BMAL2: variants seen among roughly 807,000 people sequenced by gnomAD.
BMAL2 encodes basic helix-loop-helix ARNT-like protein 2.
the BMAL2 span, among the ~76,000 whole-genome samples, chr12:27,351,473 C>T: frequency 1.8e-4 from 28 of 152,164 alleles, no homozygotes; most frequent in African/African-American, 6.8e-4. Flanking sequence ...AGATAGTACA[C>T]AATTTGCCCT....
chr12:27,370,767 G>C, the BMAL2 span, among the ~76,000 whole-genome samples: 2 of 152,056 alleles, frequency 1.3e-5, no homozygotes, highest in Non-Finnish European at 1.5e-5. Context: ...CGACACACCC[G>C]GCTAATTTTT....
chr12:27,409,281 T>C, the BMAL2 span, among the ~76,000 whole-genome samples: 8 of 152,088 alleles, frequency 5.3e-5, no homozygotes, highest in Admixed American at 2.6e-4. Flanking sequence ...GAGCCCACAT[T>C]GCCAAGTCAA....
chr12:27,371,147 C>T, the BMAL2 span, among the ~76,000 whole-genome samples: 1 of 152,108 alleles, frequency 6.6e-6, no homozygotes. Flanking sequence ...TTAAATGCTT[C>T]CTGGAAAAGT....
the BMAL2 span, among the ~76,000 whole-genome samples, chr12:27,341,975 C>T: frequency 1.3e-5 from 2 of 152,082 alleles, no homozygotes; most frequent in South Asian, 2.1e-4. Flanking sequence ...CTCACTCTGT[C>T]GCCCAGGCCA....
the BMAL2 span, among the ~76,000 whole-genome samples, chr12:27,373,239 C>A: frequency 6.6e-6 from 1 of 152,128 alleles, no homozygotes; most frequent in African/African-American, 2.4e-5. Context: ...AATAGGACTT[C>A]ATGATTGTTC....
chr12:27,388,103 G>T, the BMAL2 span, among the ~76,000 whole-genome samples: 1 of 148,266 alleles, frequency 6.7e-6, no homozygotes. Context: ...ACACATGCAC[G>T]CACACACACA....
At chr12:27,367,590 ATTTTTCTGT>A in the BMAL2 span, among the ~76,000 whole-genome samples, 63 of 151,798 alleles carry the variant, frequency 4.2e-4, no homozygotes, top group African/African-American at 1.4e-3. Context: ...CTTCCTTTCT[ATTTTTCTGT>A]GTTTTCTGTG....
the BMAL2 span, among the ~76,000 whole-genome samples, chr12:27,404,978 C>T: frequency 6.6e-6 from 1 of 152,128 alleles, no homozygotes; most frequent in African/African-American, 2.4e-5. Context: ...GAGGGTCCTA[C>T]ACCCACGGAG....
At chr12:27,418,032 G>T in the BMAL2 span, 8 of 1,077,004 alleles carry the variant, frequency 7.4e-6, no homozygotes, top group Non-Finnish European at 9.5e-6. Flanking sequence ...AATAAATAAA[G>T]AGTGTCCTTA....
the BMAL2 span, among the ~76,000 whole-genome samples, chr12:27,379,740 T>C: frequency 6.6e-6 from 1 of 152,116 alleles, no homozygotes. Context: ...AATTGCACTC[T>C]TTCAGGGAGT....
the BMAL2 span, chr12:27,387,351 A>C: frequency 6.9e-7 from 1 of 1,443,368 alleles, no homozygotes; most frequent in Non-Finnish European, 9.7e-7. Flanking sequence ...TTTCCATACA[A>C]TGTTTAATTT....
At chr12:27,360,338 GA>G in the BMAL2 span, among the ~76,000 whole-genome samples, 2 of 152,062 alleles carry the variant, frequency 1.3e-5, no homozygotes, top group African/African-American at 4.8e-5. Flanking sequence ...TGTGATCCTG[GA>G]CCAGCAAAGG....
chr12:27,334,209 G>A, the BMAL2 span, among the ~76,000 whole-genome samples: 1 of 152,178 alleles, frequency 6.6e-6, no homozygotes, highest in Non-Finnish European at 1.5e-5. Flanking sequence ...GATGGCACGT[G>A]TGGTGTTTAT....
chr12:27,408,748 A>G, the BMAL2 span, among the ~76,000 whole-genome samples: 1 of 152,196 alleles, frequency 6.6e-6, no homozygotes, highest in Non-Finnish European at 1.5e-5. Context: ...GGCCAGGGCA[A>G]TAAGGAAGGA....
chr12:27,337,544 G>C, the BMAL2 span, among the ~76,000 whole-genome samples: 1 of 152,098 alleles, frequency 6.6e-6, no homozygotes, highest in Non-Finnish European at 1.5e-5. Context: ...GAATACCCCT[G>C]CCCTCCCTCT....
chr12:27,348,431 C>T, the BMAL2 span, among the ~76,000 whole-genome samples: 1 of 151,540 alleles, frequency 6.6e-6, no homozygotes, highest in Non-Finnish European at 1.5e-5. Flanking sequence ...TAGGGTGATA[C>T]CAAAGAAGAT....
At chr12:27,353,518 A>G in the BMAL2 span, among the ~76,000 whole-genome samples, 1 of 152,240 alleles carries the variant, frequency 6.6e-6, no homozygotes, top group Non-Finnish European at 1.5e-5. Flanking sequence ...AGGCCTTGGC[A>G]GAGATTTCAT....
At chr12:27,396,781 C>A in the BMAL2 span, among the ~76,000 whole-genome samples, 3 of 152,210 alleles carry the variant, frequency 2.0e-5, no homozygotes, top group African/African-American at 7.2e-5. Context: ...ATGCACAGGC[C>A]TAAGCAATGG....
At chr12:27,402,070 A>T in the BMAL2 span, among the ~76,000 whole-genome samples, 2 of 152,162 alleles carry the variant, frequency 1.3e-5, no homozygotes, top group African/African-American at 4.8e-5. Context: ...ATGTCTGTGT[A>T]GGCATGCTCA....
Sources: gnomAD v4.1 joint callset for allele counts (sites outside exome capture counted in the v4.1 genomes callset) on GRCh38, gnomAD v4.1.1 for gene constraint, MANE v1.5 for transcripts, NCBI Gene and HGNC (gene_info 2026-07-23, HGNC 2026-07-21) for gene names.